FANCA: variants seen among roughly 807,000 people sequenced by gnomAD.
FANCA encodes FA complementation group A.
FANCA carries 236 observed loss-of-function variants against 194.3 expected under a neutral mutation model. That is an observed-to-expected ratio of 1.21 (90% CI 1.09 to 1.35). The LOEUF (loss-of-function observed/expected upper bound fraction) is 1.35. FANCA is among the 40% of genes most tolerant of loss of function. FANCA has a pLI of 0.00. For synonymous variants in FANCA, 1,014 were observed against 715.8 expected, an observed-to-expected ratio of 1.42 and a Z score of -6.65; for missense variants, 2,628 against 1,813.9, an observed-to-expected ratio of 1.45 and a Z score of -8.15.
chr16:89,771,483 G>A (rs923232025), intron 23 of FANCA, among the ~76,000 whole-genome samples, 195 bp downstream of exon 23: 44 of 152,168 alleles, frequency 2.9e-4, no homozygotes, highest in South Asian at 2.1e-3. Flanking sequence ...TAAATAAAAT[G>A]TAAAAGGAGC....
At chr16:89,796,144 G>A in intron 10 of FANCA, 126 bp from the exon 11 acceptor site, 3 of 750,364 alleles carry the variant, frequency 4.0e-6, no homozygotes, top group Admixed American at 2.0e-5. Flanking sequence ...TTCTTGGCCA[G>A]GCCACTATAA....
At chr16:89,803,220 C>A in intron 8 of FANCA, 39 bp downstream of exon 8, 1 of 1,578,008 alleles carries the variant, frequency 6.3e-7, no homozygotes, top group South Asian at 1.1e-5. Flanking sequence ...ATAAGGACGG[C>A]TCCTTCCGCT....
chr16:89,741,507 G>C (rs1017653668), intron 37 of FANCA, among the ~76,000 whole-genome samples: 1 of 152,180 alleles, frequency 6.6e-6, no homozygotes, highest in African/African-American at 2.4e-5. Flanking sequence ...GCTGCCTCCA[G>C]CTCTCTTGTG....
chr16:89,783,981 G>A (rs573146534), intron 15 of FANCA, among the ~76,000 whole-genome samples: 4 of 152,102 alleles, frequency 2.6e-5, no homozygotes, highest in Admixed American at 6.5e-5. Context: ...GGCTGGTCTC[G>A]AACTCCTGAC....
chr16:89,783,930 T>G (rs1344355094), intron 15 of FANCA, among the ~76,000 whole-genome samples: 1 of 152,022 alleles, frequency 6.6e-6, no homozygotes, highest in Admixed American at 6.5e-5. Flanking sequence ...CCCGGCTAAT[T>G]TTGTATTTTC....
chr16:89,786,717 G>C (rs573006572), intron 14 of FANCA, among the ~76,000 whole-genome samples: 2 of 152,210 alleles, frequency 1.3e-5, no homozygotes, highest in African/African-American at 2.4e-5. Context: ...ATGTCTCTGA[G>C]AGGGACAGAG....
intron 35 of FANCA, among the ~76,000 whole-genome samples, chr16:89,746,217 C>T (rs1275433618): frequency 6.6e-6 from 1 of 152,164 alleles, no homozygotes; most frequent in African/African-American, 2.4e-5. Context: ...GTCATGCTCT[C>T]GTGACGGGGC....
chr16:89,737,760 G>A lies in FANCA; in HGVS notation c.*841C>T, dbSNP rs757289385. Reference sequence around the variant, plus strand: ...CATTGTCATCGTCGTCCCCCCGGGAGGTTGGAGCATCAGGGGCCTGGACTC... The same window carrying A: ...CATTGTCATCGTCGTCCCCCCGGGAAGTTGGAGCATCAGGGGCCTGGACTC... On this transcript the variant is annotated 3_prime_UTR_variant, in exon 43 of 43. Transcript: ENST00000389301. 1.2e-6 allele frequency: 2 copies of A among 1,611,056 alleles called. No homozygotes were observed. The highest frequency in any genetic ancestry group is 1.3e-5 in the African/African-American group (1 of 74,868).
chr16:89,778,559 T>C, intron 20 of FANCA: 1 of 473,588 alleles, frequency 2.1e-6, no homozygotes, highest in South Asian at 2.2e-5. Flanking sequence ...ACCTAAGATG[T>C]GGAGGTTGCA....
rs754751562 is a variant in FANCA, at chr16:89,742,955, G to T, written c.3627-17C>A. 1 of 1,613,056 alleles carries T rather than the reference G, an allele frequency of 6.2e-7. No homozygotes were observed. The highest frequency in any genetic ancestry group is 2.2e-5 in the East Asian group (1 of 44,848). The stretch of plus-strand genomic sequence containing the variant: ...GAGAGGAAACTGGGACAGAGAGAAC[G>T]GGGTCATTGCAGGGCCTTACAACCA... On this transcript the variant is annotated splice_polypyrimidine_tract_variant and intron_variant, in intron 36 of 42. Coordinates refer to ENST00000389301, the MANE Select transcript of FANCA (RefSeq NM_000135.4).
In FANCA at chr16:89,779,673, G is replaced by A. The variant is rs17232756; in HGVS notation, c.1715+196C>T. On this transcript the variant is annotated intron_variant, in intron 18 of 42. Transcript: ENST00000389301. ...CCTGACTCCTGTCTCTCTCTGAATA[G>A]ACAGTGGCCAACCTGCCCCATGTGG... 0.016 allele frequency among the ~76,000 whole-genome samples: 2,438 copies of A among 152,338 alleles called. 42 individuals carry two copies. Among genetic ancestry groups the A allele is most frequent in the Non-Finnish European group, 0.02 (1,382 of 68,020 alleles).
rs773291616 is a variant in FANCA at position 89,737,927 on chromosome 16, C to G, written c.*674G>C. The stretch of plus-strand genomic sequence containing the variant: ...TGCAGTAAGTGTGAGTCAGGACCCC[C>G]TCCCAGGGCTGTGGCCCTCGCACCT... On this transcript the variant is annotated 3_prime_UTR_variant, in exon 43 of 43. Transcript: ENST00000389301. 1.1e-5 allele frequency: 18 copies of G among 1,613,400 alleles called. No individual in the cohort carries two copies. Among genetic ancestry groups the G allele is most frequent in the Non-Finnish European group, 1.4e-5 (17 of 1,179,830 alleles).
chr16:89,738,080 G>A lies in FANCA; in HGVS notation c.*521C>T, dbSNP rs144644592. ...CTGGACTTTGCCTGTGACCAGTGTG[G>A]CCGGCGGTTTGAGAAGGCCCACAAC... is the stretch of plus-strand genomic sequence containing the variant. On this transcript the variant is annotated 3_prime_UTR_variant, in exon 43 of 43. Transcript: ENST00000389301. The A allele has an allele frequency of 2.3e-4, 371 of 1,614,094 alleles. No individual in the cohort carries two copies. The highest frequency in any genetic ancestry group is 9.3e-4 in the Admixed American group (56 of 60,024).
intron 15 of FANCA, among the ~76,000 whole-genome samples, chr16:89,784,617 G>A (rs1023408483): frequency 6.6e-6 from 1 of 152,062 alleles, no homozygotes; most frequent in Non-Finnish European, 1.5e-5. Flanking sequence ...GGGTTTCTTA[G>A]CAGTTGCCTT....
At chr16:89,788,361 T>A (rs1050465734) in intron 14 of FANCA, among the ~76,000 whole-genome samples, 1 of 152,176 alleles carries the variant, frequency 6.6e-6, no homozygotes, top group Non-Finnish European at 1.5e-5. Context: ...CTCAGGAGGC[T>A]GAAACAGGAG....
intron 6 of FANCA, among the ~76,000 whole-genome samples, 195 bp from the exon 7 acceptor site, chr16:89,805,587 T>A (rs947829413): frequency 6.6e-6 from 1 of 151,590 alleles, no homozygotes; most frequent in African/African-American, 2.4e-5. Flanking sequence ...GCCTCCTGAG[T>A]AGTTGGGACA....
In FANCA at chr16:89,812,023, G is replaced by A. The variant is rs111264894; in HGVS notation, c.284-952C>T. Among the ~76,000 whole-genome samples the A allele has an allele frequency of 9.8e-4, 147 of 149,384 alleles. 1 individual carries two copies. The highest frequency in any genetic ancestry group is 3.2e-3 in the African/African-American group (129 of 40,842). ...TGGGATTACAGGTGTGAGCCACCAC[G>A]TGAGCCAAAATTAATTGTTTAAAGA... is the stretch of plus-strand genomic sequence containing the variant. On this transcript the variant is annotated intron_variant, in intron 3 of 42. Transcript: ENST00000389301.
At position 89,758,700 on chromosome 16, in the gene FANCA, T is replaced by G. The variant is rs770577554; in HGVS notation, c.2858A>C (p.Asp953Ala). 3.1e-6 allele frequency: 5 copies of G among 1,613,622 alleles called. No homozygotes were observed. Among genetic ancestry groups the G allele is most frequent in the Admixed American group, 1.7e-5 (1 of 59,990 alleles). ...ADALSDTERQ[D>A]FHQWAIHEHF... ...CTCATGGATCGCCCACTGGTGGAAG[T>G]CCTGCCTAGAACAGCAAACACTGCT... The change falls in exon 30 of 43, where the codon GAC becomes GCC. Residue 953 changes from aspartate to alanine, a missense_variant. By Grantham distance (126) the Asp-to-Ala change is moderately radical. Coordinates refer to ENST00000389301, the MANE Select transcript of FANCA (RefSeq NM_000135.4).
rs750448964 is a variant in FANCA at position 89,770,042 on chromosome 16, G to A, written c.2317-18C>T. 2 of 1,611,412 alleles carry A rather than the reference G, an allele frequency of 1.2e-6. No individual in the cohort carries two copies. Among genetic ancestry groups the A allele is most frequent in the Admixed American group, 1.7e-5 (1 of 59,594 alleles). ...CTCGGGCCCTGCAACGAGAATGAGG[G>A]TGGCAGAGCAGACTGCCCTCTTCCA... On this transcript the variant is annotated intron_variant, in intron 25 of 42. Transcript: ENST00000389301.
Sources: allele counts gnomAD v4.1 joint callset (sites outside exome capture counted in the v4.1 genomes callset), GRCh38; gene constraint gnomAD v4.1.1; transcripts MANE v1.5; gene names NCBI Gene and HGNC (gene_info 2026-07-23, HGNC 2026-07-21).